Variants in QTMAN observed in about 807,000 individuals in gnomAD.
The protein encoded by QTMAN is tRNA-queuosine alpha-mannosyltransferase.
chr2:144,144,499 C>A, the QTMAN span, among the ~76,000 whole-genome samples: 1 of 151,822 alleles, frequency 6.6e-6, no homozygotes, highest in Non-Finnish European at 1.5e-5. Context: ...TGATAAAGCA[C>A]AAAATGATTT....
chr2:143,956,715 T>C, the QTMAN span, among the ~76,000 whole-genome samples: 1 of 152,164 alleles, frequency 6.6e-6, no homozygotes, highest in Non-Finnish European at 1.5e-5. Context: ...TCCTCCATGA[T>C]GATAGGGAGG....
the QTMAN span, among the ~76,000 whole-genome samples, chr2:144,326,996 C>A: frequency 1.3e-5 from 2 of 152,156 alleles, no homozygotes; most frequent in South Asian, 2.1e-4. Flanking sequence ...TCTTTTGCTA[C>A]GACGTGGGTG....
At chr2:143,987,985 A>C in the QTMAN span, among the ~76,000 whole-genome samples, 1 of 152,188 alleles carries the variant, frequency 6.6e-6, no homozygotes, top group African/African-American at 2.4e-5. Flanking sequence ...TGGGAAAAAC[A>C]GGGTGGCGGA....
chr2:144,016,180 C>T, the QTMAN span, among the ~76,000 whole-genome samples: 1 of 152,156 alleles, frequency 6.6e-6, no homozygotes, highest in Non-Finnish European at 1.5e-5. Context: ...GCTTTCAGTA[C>T]GTATAGTGAC....
the QTMAN span, among the ~76,000 whole-genome samples, chr2:144,274,741 C>T: frequency 1.3e-5 from 2 of 152,164 alleles, no homozygotes; most frequent in African/African-American, 4.8e-5. Flanking sequence ...TTTATAATAA[C>T]CCAGGAAACA....
At chr2:144,006,875 T>C in the QTMAN span, 39 of 230,554 alleles carry the variant, frequency 1.7e-4, 1 homozygote, top group African/African-American at 8.6e-4. Flanking sequence ...GTGCATAAAA[T>C]GGAATCTGAT....
At chr2:144,174,753 C>T in the QTMAN span, among the ~76,000 whole-genome samples, 1 of 152,170 alleles carries the variant, frequency 6.6e-6, no homozygotes, top group Non-Finnish European at 1.5e-5. Flanking sequence ...TGCCTGGTGC[C>T]ATGTAAGGCG....
chr2:144,249,712 A>G, the QTMAN span, among the ~76,000 whole-genome samples: 5 of 152,238 alleles, frequency 3.3e-5, no homozygotes, highest in East Asian at 1.9e-4. Context: ...TTGGTTTTAC[A>G]TATTGTTATA....
At chr2:144,114,761 G>A in the QTMAN span, among the ~76,000 whole-genome samples, 2 of 152,144 alleles carry the variant, frequency 1.3e-5, no homozygotes, top group Non-Finnish European at 2.9e-5. Flanking sequence ...ATATCCTTCT[G>A]AGATATTGTA....
At chr2:144,006,017 A>G in the QTMAN span, 1 of 152,140 alleles carries the variant, frequency 6.6e-6, no homozygotes, top group Non-Finnish European at 1.5e-5. Flanking sequence ...CATCTATTTT[A>G]CCTTGAAACA....
the QTMAN span, among the ~76,000 whole-genome samples, chr2:143,986,568 T>C: frequency 6.6e-6 from 1 of 152,206 alleles, no homozygotes; most frequent in Non-Finnish European, 1.5e-5. Flanking sequence ...GAGCCTTTTC[T>C]AGGTATAAGT....
the QTMAN span, among the ~76,000 whole-genome samples, chr2:144,144,522 T>C: frequency 1.3e-5 from 2 of 151,984 alleles, no homozygotes; most frequent in African/African-American, 4.8e-5. Context: ...TTTTCATTTT[T>C]AAAACATATT....
the QTMAN span, among the ~76,000 whole-genome samples, chr2:144,201,811 C>T: frequency 1.3e-5 from 2 of 152,198 alleles, no homozygotes; most frequent in African/African-American, 4.8e-5. Flanking sequence ...GCTCTCTCAA[C>T]TACACATATT....
chr2:143,966,452 C>T, the QTMAN span, among the ~76,000 whole-genome samples: 2 of 152,200 alleles, frequency 1.3e-5, no homozygotes, highest in African/African-American at 4.8e-5. Context: ...ACTTCATTCA[C>T]CATTGCATCC....
At chr2:144,051,222 G>C in the QTMAN span, among the ~76,000 whole-genome samples, 1 of 152,102 alleles carries the variant, frequency 6.6e-6, no homozygotes. Context: ...GTGTGTGTGT[G>C]TGTATGCACA....
At chr2:144,177,099 A>G in the QTMAN span, 1 of 697,922 alleles carries the variant, frequency 1.4e-6, no homozygotes, top group Non-Finnish European at 2.6e-6. Context: ...GGGGAAATCC[A>G]CCTCCATGAT....
At chr2:144,310,905 AT>A in the QTMAN span, among the ~76,000 whole-genome samples, 15 of 150,520 alleles carry the variant, frequency 1.0e-4, no homozygotes, top group South Asian at 2.1e-4. Context: ...AGAAATAAAG[AT>A]TTTTTTTTTG....
chr2:144,181,462 A>C, the QTMAN span, among the ~76,000 whole-genome samples: 1 of 152,236 alleles, frequency 6.6e-6, no homozygotes, highest in Non-Finnish European at 1.5e-5. Flanking sequence ...ACATAAAACT[A>C]AGATCACTAA....
At chr2:144,084,478 A>C in the QTMAN span, among the ~76,000 whole-genome samples, 1 of 152,210 alleles carries the variant, frequency 6.6e-6, no homozygotes, top group Non-Finnish European at 1.5e-5. Flanking sequence ...ATTTTATAAA[A>C]ATTTAAAATA....
Sources: gnomAD v4.1 joint callset for allele counts (sites outside exome capture counted in the v4.1 genomes callset) on GRCh38, gnomAD v4.1.1 for gene constraint, MANE v1.5 for transcripts, NCBI Gene and HGNC (gene_info 2026-07-23, HGNC 2026-07-21) for gene names.